The following ADAMTS16 variants were observed in gnomAD, a reference collection of about 807,000 sequenced individuals.
ADAMTS16 encodes the protein A disintegrin and metalloproteinase with thrombospondin motifs 16.
A neutral mutation model predicts 145.8 loss-of-function variants in ADAMTS16; 94 were observed. The observed-to-expected ratio is 0.64, with a 90% confidence interval of 0.55 to 0.77. ADAMTS16 has a LOEUF of 0.77. Ranked by LOEUF, ADAMTS16 falls within the 30% of genes least tolerant of loss-of-function variation. The pLI is 0.00. For synonymous variants in ADAMTS16, 659 were observed against 604.3 expected, an observed-to-expected ratio of 1.09 and a Z score of -1.33; for missense variants, 1,585 against 1,591.5, an observed-to-expected ratio of 1.00 and a Z score of 0.07.
At chr5:5,185,246 T>C (rs1229906466) in intron 4 of ADAMTS16, among the ~76,000 whole-genome samples, 1 of 152,228 alleles carries the variant, frequency 6.6e-6, no homozygotes, top group Non-Finnish European at 1.5e-5. Context: ...TAGCATCTGC[T>C]TACAGTATGC....
At chr5:5,186,876 A>C (rs77937152) in intron 5 of ADAMTS16, among the ~76,000 whole-genome samples, 2,771 of 152,308 alleles carry the variant, frequency 0.018, 85 homozygotes, top group African/African-American at 0.062. Context: ...GAATAGTTTT[A>C]ATGACAATAT....
At chr5:5,230,283 T>C (rs1241730267) in intron 11 of ADAMTS16, among the ~76,000 whole-genome samples, 1 of 152,196 alleles carries the variant, frequency 6.6e-6, no homozygotes, top group East Asian at 1.9e-4. Context: ...GTCAGCTGAA[T>C]GCAATAAACG....
At chr5:5,202,134 C>T (rs1482572096) in intron 9 of ADAMTS16, among the ~76,000 whole-genome samples, 1 of 152,078 alleles carries the variant, frequency 6.6e-6, no homozygotes, top group Admixed American at 6.6e-5. Flanking sequence ...CCTTCATTCT[C>T]TAGGGATCCT....
intron 3 of ADAMTS16, among the ~76,000 whole-genome samples, chr5:5,173,007 G>A: frequency 6.6e-6 from 1 of 151,876 alleles, no homozygotes; most frequent in East Asian, 1.9e-4. Flanking sequence ...TTTTTGTCTT[G>A]AAATCTATTT....
At chr5:5,273,398 C>T (rs1432467157) in intron 18 of ADAMTS16, among the ~76,000 whole-genome samples, 1 of 152,230 alleles carries the variant, frequency 6.6e-6, no homozygotes, top group African/African-American at 2.4e-5. Flanking sequence ...TGGCACACGC[C>T]TGTGCTCTCA....
At chr5:5,283,724 C>T (rs1471870017) in intron 18 of ADAMTS16, among the ~76,000 whole-genome samples, 3 of 152,158 alleles carry the variant, frequency 2.0e-5, no homozygotes, top group African/African-American at 7.2e-5. Flanking sequence ...ACACTTGAAC[C>T]CATGCACATT....
intron 3 of ADAMTS16, among the ~76,000 whole-genome samples, chr5:5,172,331 C>T (rs2126544018): frequency 6.6e-6 from 1 of 151,458 alleles, no homozygotes; most frequent in South Asian, 2.1e-4. Context: ...TAAGATGCAC[C>T]ATTAGGTTGT....
chr5:5,195,289 T>C (rs1735772465), intron 8 of ADAMTS16, among the ~76,000 whole-genome samples: 2 of 152,188 alleles, frequency 1.3e-5, no homozygotes, highest in African/African-American at 4.8e-5. Flanking sequence ...TGTGGTTTGC[T>C]AAGGCAGGTG....
chr5:5,265,499 T>C (rs1738206457), intron 18 of ADAMTS16, among the ~76,000 whole-genome samples: 4 of 152,224 alleles, frequency 2.6e-5, no homozygotes. Context: ...GGGTCCTATC[T>C]GCAGGTGTCA....
chr5:5,279,897 TTTC>T (rs986105825), intron 18 of ADAMTS16, among the ~76,000 whole-genome samples: 12 of 52,436 alleles, frequency 2.3e-4, no homozygotes, highest in South Asian at 1.4e-3. Context: ...TCCTTCCTTC[TTTC>T]TTTTCTTTTC....
At chr5:5,311,321 A>C (rs1203680395) in intron 21 of ADAMTS16, among the ~76,000 whole-genome samples, 5 of 151,002 alleles carry the variant, frequency 3.3e-5, no homozygotes, top group African/African-American at 1.2e-4. Flanking sequence ...AAAAAAACAA[A>C]AAAACAAAAA....
At chr5:5,295,171 A>G (rs1208405444) in intron 18 of ADAMTS16, among the ~76,000 whole-genome samples, 1 of 152,254 alleles carries the variant, frequency 6.6e-6, no homozygotes. Flanking sequence ...CTCATTGCAT[A>G]TAATTTCCAG....
chr5:5,303,857 C>T, intron 20 of ADAMTS16, 91 bp downstream of exon 20: 1 of 1,401,434 alleles, frequency 7.1e-7, no homozygotes, highest in Non-Finnish European at 9.8e-7. Context: ...TCACTTCTCT[C>T]TCTTCTCCCC....
At chr5:5,286,103 T>TTTATAAA (rs1739090649) in intron 18 of ADAMTS16, among the ~76,000 whole-genome samples, 1 of 152,214 alleles carries the variant, frequency 6.6e-6, no homozygotes, top group African/African-American at 2.4e-5. Context: ...GCTACATGGG[T>TTTATAAA]TGGCTGCTTT....
intron 3 of ADAMTS16, among the ~76,000 whole-genome samples, chr5:5,175,332 G>GAA (rs909863365): frequency 3.3e-5 from 5 of 152,184 alleles, no homozygotes; most frequent in Non-Finnish European, 7.3e-5. Flanking sequence ...GGGGGCCTCA[G>GAA]AATTCTACCT....
chr5:5,302,340 T>C (rs769183489), intron 18 of ADAMTS16, among the ~76,000 whole-genome samples: 2 of 152,086 alleles, frequency 1.3e-5, no homozygotes, highest in African/African-American at 2.4e-5. Context: ...TGCTAACAAA[T>C]TGAAAGAAAG....
At chr5:5,304,031 G>T (rs1213358955) in intron 20 of ADAMTS16, among the ~76,000 whole-genome samples, 1 of 152,128 alleles carries the variant, frequency 6.6e-6, no homozygotes, top group Non-Finnish European at 1.5e-5. Context: ...GAGGGTTGAG[G>T]GGGTGTGAGC....
At chr5:5,306,465 G>C (rs779005168) in intron 20 of ADAMTS16, 39 bp from the exon 21 acceptor site, 2 of 1,573,720 alleles carry the variant, frequency 1.3e-6, no homozygotes, top group Non-Finnish European at 1.7e-6. Context: ...CAAAAAAAGA[G>C]ATTTTTTTCA....
chr5:5,272,870 A>G (rs1048302723), intron 18 of ADAMTS16, among the ~76,000 whole-genome samples: 4 of 152,192 alleles, frequency 2.6e-5, no homozygotes, highest in African/African-American at 9.6e-5. Flanking sequence ...CTGTTGTCAG[A>G]TCATGGGTGT....
Sources: gnomAD v4.1 joint callset for allele counts (sites outside exome capture counted in the v4.1 genomes callset) on GRCh38, gnomAD v4.1.1 for gene constraint, MANE v1.5 for transcripts, NCBI Gene and HGNC (gene_info 2026-07-23, HGNC 2026-07-21) for gene names.